The following FBXO31 variants were observed in gnomAD, a reference collection of about 807,000 sequenced individuals.
FBXO31 encodes F-box only protein 31.
Under a neutral mutation model 54.4 loss-of-function variants are expected in FBXO31, and 24 were observed. The ratio of observed to expected loss-of-function variants is 0.44; its 90% CI spans 0.32 to 0.62. The LOEUF (loss-of-function observed/expected upper bound fraction) is 0.62. FBXO31 is among the 20% of genes least tolerant of loss of function. The pLI is 0.05. For synonymous variants in FBXO31, 388 were observed against 335.6 expected, an observed-to-expected ratio of 1.16 and a Z score of -1.71; for missense variants, 665 against 787.1, an observed-to-expected ratio of 0.84 and a Z score of 1.86.
chr16:87,372,484 T>C (rs921252992), intron 1 of FBXO31, among the ~76,000 whole-genome samples: 3 of 152,192 alleles, frequency 2.0e-5, no homozygotes, highest in African/African-American at 7.2e-5. Context: ...AGTGCGTTTA[T>C]CCAGCTGCCC....
upstream of FBXO31, among the ~76,000 whole-genome samples, chr16:87,391,186 A>G (rs1425708153): frequency 6.6e-6 from 1 of 151,840 alleles, no homozygotes; most frequent in Non-Finnish European, 1.5e-5. Flanking sequence ...TCCCGGCTCT[A>G]CTCCCAGCTT....
intron 2 of FBXO31, among the ~76,000 whole-genome samples, chr16:87,349,450 C>G (rs1905541237): frequency 6.6e-6 from 1 of 152,320 alleles, no homozygotes; most frequent in South Asian, 2.1e-4. Flanking sequence ...GGCATGGTGG[C>G]TCACGCCTGT....
At position 87,346,289 on chromosome 16, in the gene FBXO31, G is replaced by A. The variant is rs983316519; in HGVS notation, c.489+885C>T. ...GGGCCTCTTGAGGAGACCAGGCCAC[G>A]GCACCCAGCAAGTGCCCAGGCGCAC... On this transcript the variant is annotated intron_variant, in intron 3 of 8. Coordinates refer to ENST00000311635, the MANE Select transcript of FBXO31 (RefSeq NM_024735.5). The surrounding 1 kb of genome is among the most constrained non-coding windows in gnomAD (Gnocchi z 4.2). Among the ~76,000 whole-genome samples the A allele has an allele frequency of 6.6e-6, 1 of 151,936 alleles. No individual in the cohort carries two copies. The highest frequency in any genetic ancestry group is 1.5e-5 in the Non-Finnish European group (1 of 67,970).
At chr16:87,331,796 C>T (rs1453566506) in intron 8 of FBXO31, among the ~76,000 whole-genome samples, 1 of 152,190 alleles carries the variant, frequency 6.6e-6, no homozygotes, top group Non-Finnish European at 1.5e-5. Context: ...TCGCAGCACC[C>T]GTGAGGGATT....
In FBXO31 at chr16:87,334,106, C is replaced by T; in HGVS notation, c.1177G>A (p.Gly393Ser). The part of the protein sequence containing the change: ...EGGHEAGEGR[G>S]RQGPRESQPS... ...TGGGACTCCCGGGGGCCCTGCCGGC[C>T]ACGACCCTCGCCCGCCTCGTGCCCG... The change falls in exon 8 of 9, where the codon GGC becomes AGC. Residue 393 changes from glycine (G) to serine (S), a missense_variant. Gly to Ser is a moderately conservative substitution (Grantham distance 56). Around this residue, in one of 4 missense-constraint regions of FBXO31, gnomAD observed 165 missense variants for 159.7 expected, o/e 1.03. Transcript: ENST00000311635. 1 of 1,610,482 alleles carries T rather than the reference C, an allele frequency of 6.2e-7. No individual in the cohort carries two copies. Among genetic ancestry groups the T allele is most frequent in the Non-Finnish European group, 8.5e-7 (1 of 1,178,530 alleles).
At chr16:87,339,478 G>T (rs370784281) in intron 5 of FBXO31, among the ~76,000 whole-genome samples, 1 of 152,340 alleles carries the variant, frequency 6.6e-6, no homozygotes, top group Admixed American at 6.5e-5. Context: ...AAGCCCCACA[G>T]GAGGGCGCAG....
At position 87,331,003 on chromosome 16, in the gene FBXO31, TTC is replaced by T; in HGVS notation, c.*283_*284del. ...GGGTGCGGGAACCCCACCGCTTCAA[TTC>T]TCACGCGGTCCCACGGCTGTCCCCT... is the stretch of plus-strand genomic sequence containing the variant. On this transcript the variant is annotated 3_prime_UTR_variant, in exon 9 of 9. Coordinates refer to ENST00000311635, the MANE Select transcript of FBXO31 (RefSeq NM_024735.5). 1 of 357,282 alleles carries T rather than the reference TTC, an allele frequency of 2.8e-6. No individual in the cohort carries two copies. The highest frequency in any genetic ancestry group is 5.3e-6 in the Non-Finnish European group (1 of 190,422). The allele number at this position is 357,282 out of a possible 1,614,324, so 22.1% of individuals were successfully genotyped here.
chr16:87,379,364 G>C (rs926865576), intron 1 of FBXO31, among the ~76,000 whole-genome samples: 1 of 152,190 alleles, frequency 6.6e-6, no homozygotes, highest in African/African-American at 2.4e-5. Context: ...ATAACCCTGA[G>C]GCAGAGGGCA....
At chr16:87,331,659 C>T in intron 8 of FBXO31, 149 bp from the exon 9 acceptor site, 1 of 708,424 alleles carries the variant, frequency 1.4e-6, no homozygotes, top group Non-Finnish European at 2.3e-6. Context: ...CAGCCTGTCT[C>T]TGCAGGGGCA....
chr16:87,342,763 A>G, intron 5 of FBXO31, 114 bp downstream of exon 5: 1 of 813,412 alleles, frequency 1.2e-6, no homozygotes, highest in South Asian at 2.0e-5. Context: ...CATGTGAAAC[A>G]GCCACCATGC....
intron 1 of FBXO31, among the ~76,000 whole-genome samples, chr16:87,389,216 G>C (rs1385868745): frequency 6.6e-6 from 1 of 152,118 alleles, no homozygotes; most frequent in African/African-American, 2.4e-5. Context: ...AAACCTATGA[G>C]CCATCTTTAA....
intron 4 of FBXO31, 130 bp downstream of exon 4, chr16:87,343,468 G>A (rs1020992826): frequency 2.7e-5 from 31 of 1,150,318 alleles, no homozygotes; most frequent in Admixed American, 9.6e-5. Context: ...AGGGCAGGGC[G>A]GAGCCTCCCT....
intron 1 of FBXO31, among the ~76,000 whole-genome samples, chr16:87,362,212 G>A (rs1201884530): frequency 2.0e-5 from 3 of 151,878 alleles, no homozygotes; most frequent in Non-Finnish European, 2.9e-5. Flanking sequence ...CATCAAAAAG[G>A]GTACAATTAA....
In FBXO31 at chr16:87,377,041, C is replaced by T. The variant is rs1260845496; in HGVS notation, c.340+6364G>A. ...CCTAGATGAGGTGGAATTAAAGCTG[C>T]CACAATGAACTCGTGAAACTGAAAA... On this transcript the variant is annotated intron_variant, in intron 1 of 8. Coordinates refer to ENST00000311635, the MANE Select transcript of FBXO31 (RefSeq NM_024735.5). Among the ~76,000 whole-genome samples the T allele has an allele frequency of 2.6e-5, 4 of 152,246 alleles. No individual in the cohort carries two copies. The East Asian group carries it at 7.7e-4, about 29-fold the overall frequency.
intron 2 of FBXO31, among the ~76,000 whole-genome samples, chr16:87,360,092 C>T (rs1906068116): frequency 6.6e-6 from 1 of 152,206 alleles, no homozygotes; most frequent in Admixed American, 6.5e-5. Flanking sequence ...CTAGTATCTA[C>T]GATGCCCAGA....
chr16:87,335,256 G>A lies in FBXO31; in HGVS notation c.996+48C>T, dbSNP rs1905008606. The A allele has an allele frequency of 2.5e-6, 4 of 1,607,514 alleles. No homozygotes were observed. Among genetic ancestry groups the A allele is most frequent in the Non-Finnish European group, 3.4e-6 (4 of 1,179,616 alleles). On this transcript the variant is annotated intron_variant, in intron 7 of 8. Transcript: ENST00000311635. This position sits in a 1 kb window ranked among gnomAD's most constrained non-coding sequence, Gnocchi z 5.7. ...AGTTCCCTGACTCCACAGCCCACTT[G>A]GGCCAGGTGCCCCCAGAGCCCCACC...
intron 1 of FBXO31, among the ~76,000 whole-genome samples, chr16:87,376,316 C>T (rs1042016525): frequency 2.0e-5 from 3 of 151,718 alleles, no homozygotes; most frequent in African/African-American, 7.3e-5. Context: ...CTCTGTCGCC[C>T]AGGCTGGAGT....
rs1904858412 is a variant in FBXO31 at position 87,331,513 on chromosome 16, G to C, written c.1398-3C>G. The C allele has an allele frequency of 6.3e-7, 1 of 1,593,322 alleles. No individual in the cohort carries two copies. Among genetic ancestry groups the C allele is most frequent in the Non-Finnish European group, 8.6e-7 (1 of 1,165,684 alleles). ...CGATGAGGCCTGTGCCATAAAAACT[G>C]AGCAGAAACAAGAGGGAAACTGTGA... On this transcript the variant is annotated splice_region_variant and splice_polypyrimidine_tract_variant and intron_variant, in intron 8 of 8. Transcript: ENST00000311635.
Position 87,331,393 on chromosome 16 carries a change from G to T in FBXO31, c.1515C>A (p.Ser505=). 6.2e-7 allele frequency: 1 copy of T among 1,613,948 alleles called. No homozygotes were observed. The highest frequency in any genetic ancestry group is 8.5e-7 in the Non-Finnish European group (1 of 1,180,030). The change falls in exon 9 of 9, where the codon TCC becomes TCA. Residue 505 remains serine, a synonymous_variant. Coordinates refer to ENST00000311635, the MANE Select transcript of FBXO31 (RefSeq NM_024735.5). The part of the protein sequence containing the change: ...RFGFVWLELK[S]FSLYSRVQAT... ...CCTGGACCCGGCTGTACAGGCTGAA[G>T]GATTTCAGCTCCAGCCAGACGAACC... is the stretch of plus-strand genomic sequence containing the variant.
Sources: gnomAD v4.1 joint callset for allele counts (sites outside exome capture counted in the v4.1 genomes callset) on GRCh38, gnomAD v4.1.1 for gene constraint, gnomAD v4.1.1 regional missense constraint, Gnocchi (gnomAD v3.1) non-coding constraint, MANE v1.5 for transcripts, NCBI Gene and HGNC (gene_info 2026-07-23, HGNC 2026-07-21) for gene names.